Variants in UFL1 observed in about 807,000 individuals in gnomAD.
The protein encoded by UFL1 is UFM1 specific ligase 1, also known as E3 UFM1-protein ligase 1.
Under a neutral mutation model 99.3 loss-of-function variants are expected in UFL1, and 78 were observed. That is an observed-to-expected ratio of 0.79 (90% CI 0.65 to 0.95). The LOEUF (loss-of-function observed/expected upper bound fraction) is 0.95, where lower values mean the gene tolerates loss of function less well. Among genes scored for constraint, UFL1 ranks in the 40% least tolerant of loss-of-function variants. The pLI is 0.00. For missense variants in UFL1, 936 were observed against 937.0 expected (o/e 1.00, Z 0.01); for synonymous variants, 335 against 322.2 (o/e 1.04, Z -0.42).
Position 96,526,438 on chromosome 6 carries a change from A to G in UFL1, c.465+3A>G, listed in dbSNP as rs376534666. Reference sequence around the variant, plus strand: ...TTCCTGGGAACTTTCTGACACAGGTATTTTTTTTCCTAATAATACAATGTG... The same window carrying G: ...TTCCTGGGAACTTTCTGACACAGGTGTTTTTTTTCCTAATAATACAATGTG... On this transcript the variant is annotated splice_donor_region_variant and intron_variant, in intron 5 of 18. Transcript: ENST00000369278. The G allele has an allele frequency of 6.2e-6, 10 of 1,606,662 alleles. No homozygotes were observed. Among genetic ancestry groups the G allele is most frequent in the African/African-American group, 4.0e-5 (3 of 74,528 alleles).
Position 96,553,528 on chromosome 6 carries a change from T to G in UFL1, c.*25T>G. ...ATGATCTTAATTTACATTTGTCATA[T>G]AGTAAGCATTTTCCCCCAAGGTTGA... On this transcript the variant is annotated 3_prime_UTR_variant, in exon 19 of 19. Coordinates refer to ENST00000369278, the MANE Select transcript of UFL1 (RefSeq NM_015323.5). 1.9e-6 allele frequency: 3 copies of G among 1,600,514 alleles called. No individual in the cohort carries two copies. Among genetic ancestry groups the G allele is most frequent in the Non-Finnish European group, 1.7e-6 (2 of 1,172,284 alleles).
At chr6:96,526,085 C>CAA (rs777292473) in intron 4 of UFL1, among the ~76,000 whole-genome samples, 4 of 111,752 alleles carry the variant, frequency 3.6e-5, no homozygotes, top group Admixed American at 9.4e-5. Context: ...GACCTTGATG[C>CAA]AAAAAAAAAA....
Position 96,549,541 on chromosome 6 carries a change from CAT to C in UFL1, c.1651_1652del (p.Ile551Ter). On this transcript the variant is annotated frameshift_variant, in exon 14 of 19. Transcript: ENST00000369278. LOFTEE classifies it high-confidence loss of function. ...QEEVSNLYNN[I>X]RLFEKGMKFF... is the part of the protein sequence containing the mutation. The stretch of plus-strand genomic sequence containing the variant: ...AAGAAGTTTCAAACCTGTACAATAA[CAT>C]TAGGTTATTTGAAAAAGGGATGAAG... The C allele has an allele frequency of 6.3e-7, 1 of 1,596,920 alleles. No homozygotes were observed.
intron 8 of UFL1, among the ~76,000 whole-genome samples, chr6:96,536,889 C>T (rs1769861620): frequency 6.6e-6 from 1 of 151,472 alleles, no homozygotes; most frequent in Non-Finnish European, 1.5e-5. Context: ...ACTTTGGAAA[C>T]ATTGAAGTTA....
intron 4 of UFL1, among the ~76,000 whole-genome samples, chr6:96,526,094 AAAAG>A (rs1769697015): frequency 2.0e-5 from 3 of 150,770 alleles, no homozygotes; most frequent in Non-Finnish European, 2.9e-5. Context: ...GCAAAAAAAA[AAAAG>A]AAAAAGAAAA....
At chr6:96,532,710 G>A (rs1446510360) in intron 6 of UFL1, among the ~76,000 whole-genome samples, 1 of 152,068 alleles carries the variant, frequency 6.6e-6, no homozygotes, top group African/African-American at 2.4e-5. Flanking sequence ...GAAGCAGCTT[G>A]AAACCCTCAA....
chr6:96,547,139 A>C (rs1270997165), intron 12 of UFL1, among the ~76,000 whole-genome samples: 1 of 151,114 alleles, frequency 6.6e-6, no homozygotes, highest in African/African-American at 2.4e-5. Context: ...CAACAAGAAG[A>C]AGCCCCATTG....
chr6:96,548,297 AT>A lies in UFL1; in HGVS notation c.1520+22del. ...ACTTAATAAAGCAAGTATAAAATGT[AT>A]TTTTTCTGTTTTATGGTAGAAATTA... On this transcript the variant is annotated intron_variant, in intron 13 of 18. Transcript: ENST00000369278. 6.8e-7 allele frequency: 1 copy of A among 1,463,936 alleles called. No individual in the cohort carries two copies. The highest frequency in any genetic ancestry group is 1.3e-5 in the South Asian group (1 of 79,060). 90.7% of individuals were successfully genotyped at this position (1,463,936 alleles called of 1,614,324 possible). A position where few individuals can be genotyped will look rare whatever the true frequency, so the allele number is the denominator to read the frequency against.
intron 3 of UFL1, 37 bp downstream of exon 3, chr6:96,524,447 C>T: frequency 6.6e-7 from 1 of 1,514,932 alleles, no homozygotes. Flanking sequence ...GCTTTACTTT[C>T]TCAATTTTTT....
chr6:96,522,052 T>C, intron 1 of UFL1, 102 bp downstream of exon 1: 1 of 1,262,724 alleles, frequency 7.9e-7, no homozygotes, highest in Non-Finnish European at 1.1e-6. Flanking sequence ...CCGGGTCTTC[T>C]CGCTGCTTGT....
chr6:96,523,318 T>C, intron 2 of UFL1, 27 bp downstream of exon 2: 2 of 1,551,540 alleles, frequency 1.3e-6, no homozygotes, highest in South Asian at 2.5e-5. Context: ...TGTTTTTTTT[T>C]TTCTTGGATT....
chr6:96,548,589 T>C (rs1261006285), intron 13 of UFL1, among the ~76,000 whole-genome samples: 4 of 151,684 alleles, frequency 2.6e-5, no homozygotes, highest in African/African-American at 2.4e-5. Flanking sequence ...AACCACTGGC[T>C]GGTCTCTTCT....
chr6:96,540,443 A>C, intron 10 of UFL1, 92 bp from the exon 11 acceptor site: 1 of 1,442,970 alleles, frequency 6.9e-7, no homozygotes, highest in Admixed American at 2.7e-5. Context: ...CAACAAAACC[A>C]AACAAGAATA....
At chr6:96,543,592 A>G (rs1769960312) in intron 12 of UFL1, among the ~76,000 whole-genome samples, 2 of 151,280 alleles carry the variant, frequency 1.3e-5, no homozygotes, top group Admixed American at 6.6e-5. Context: ...TGACACTGCC[A>G]TTGCTCAAGA....
chr6:96,534,546 T>C (rs1769828130), intron 7 of UFL1, among the ~76,000 whole-genome samples: 1 of 151,732 alleles, frequency 6.6e-6, no homozygotes, highest in South Asian at 2.1e-4. Flanking sequence ...AAAAAAAAAG[T>C]AAGCATTTAT....
At chr6:96,526,580 A>T (rs543563242) in intron 5 of UFL1, 145 bp downstream of exon 5, 4 of 677,080 alleles carry the variant, frequency 5.9e-6, no homozygotes, top group Non-Finnish European at 1.0e-5. Context: ...TGTTGTACCA[A>T]TATATTTGGG....
At chr6:96,526,011 A>G (rs1328450617) in intron 4 of UFL1, among the ~76,000 whole-genome samples, 1 of 151,836 alleles carries the variant, frequency 6.6e-6, no homozygotes, top group Non-Finnish European at 1.5e-5. Flanking sequence ...GCTTGATCCC[A>G]GGAGGTCAAG....
intron 8 of UFL1, 122 bp from the exon 9 acceptor site, chr6:96,537,252 G>C (rs532564548): frequency 1.4e-6 from 1 of 691,460 alleles, no homozygotes; most frequent in Admixed American, 3.7e-5. Flanking sequence ...GGTGGAGTTA[G>C]AGGAGTTAAG....
At chr6:96,534,227 A>C in intron 6 of UFL1, 36 bp from the exon 7 acceptor site, 1 of 1,347,594 alleles carries the variant, frequency 7.4e-7, no homozygotes, top group Non-Finnish European at 1.0e-6. Flanking sequence ...CACTATAATG[A>C]GTAAGAAGTT....
Sources: gnomAD v4.1 joint callset for allele counts (sites outside exome capture counted in the v4.1 genomes callset) on GRCh38, gnomAD v4.1.1 for gene constraint, MANE v1.5 for transcripts, NCBI Gene and HGNC (gene_info 2026-07-23, HGNC 2026-07-21) for gene names.